The following HDAC10 variants were observed in gnomAD, a reference collection of about 807,000 sequenced individuals.
HDAC10 encodes the protein histone deacetylase 10.
Under a neutral mutation model 82.3 loss-of-function variants are expected in HDAC10, and 90 were observed. The observed-to-expected ratio is 1.09, with a 90% CI of 0.92 to 1.30. The LOEUF (loss-of-function observed/expected upper bound fraction) is 1.30, where lower values mean the gene tolerates loss of function less well. Ranked by LOEUF, HDAC10 falls within the 50% of genes most tolerant of loss-of-function variation. The pLI is 0.00. For missense variants in HDAC10, 934 were observed against 876.3 expected (o/e 1.07, Z -0.83); for synonymous variants, 456 against 391.7 (o/e 1.16, Z -1.94).
chr22:50,245,963 C>T lies in HDAC10; in HGVS notation c.1780G>A (p.Ala594Thr). 1 of 1,606,296 alleles carries T rather than the reference C, an allele frequency of 6.2e-7. No individual in the cohort carries two copies. The highest frequency in any genetic ancestry group is 1.7e-4 in the Middle Eastern group (1 of 6,046). Residue 594 changes from alanine to threonine, a missense_variant, in exon 18 of 20, where the codon GCT (alanine) becomes ACT (threonine). Coordinates refer to ENST00000216271, the MANE Select transcript of HDAC10 (RefSeq NM_032019.6). Reference protein sequence around the residue: ...GLQGPHAALLAAMLRGLAGGR... With the variant: ...GLQGPHAALLTAMLRGLAGGR... ...CCTGCCAGCCCCCGAAGCATTGCAGCCAGGAGTGCAGCGTGGGGGCCCTGC... is the reference window on the plus strand; with the variant it reads ...CCTGCCAGCCCCCGAAGCATTGCAGTCAGGAGTGCAGCGTGGGGGCCCTGC...
In HDAC10 at chr22:50,251,246, G is replaced by A. The variant is rs968030343; in HGVS notation, c.-214C>T. The stretch of plus-strand genomic sequence containing the variant: ...GGCACGGAGCGAGGCTGCAGTCGAA[G>A]GGGGAGGCTCCCCGCGCCTGGCTTC... On this transcript the variant is annotated 5_prime_UTR_variant, in exon 1 of 20. Coordinates refer to ENST00000216271, the MANE Select transcript of HDAC10 (RefSeq NM_032019.6). 1.2e-5 allele frequency: 6 copies of A among 492,548 alleles called. No individual in the cohort carries two copies. Among genetic ancestry groups the A allele is most frequent in the African/African-American group, 1.0e-4 (5 of 49,124 alleles). The allele number at this position is 492,548 out of a possible 1,614,324, so 30.5% of individuals were successfully genotyped here. A position where few individuals can be genotyped will look rare whatever the true frequency, so the allele number is the denominator to read the frequency against.
Position 50,249,151 on chromosome 22 carries a change from A to C in HDAC10, c.708T>G (p.Ala236=). 6.3e-7 allele frequency: 1 copy of C among 1,577,694 alleles called. No homozygotes were observed. ...GGTGCAGGAAGGCAGCCACGTAGTC[A>C]GCGTTTCCCATCCCAACCTGGCAGG... ...LPWNQVGMGN[A]DYVAAFLHLL... is the part of the protein sequence containing the mutation. The change falls in exon 8 of 20, where the codon GCT becomes GCG. Residue 236 remains alanine, a synonymous_variant. Coordinates refer to ENST00000216271, the MANE Select transcript of HDAC10 (RefSeq NM_032019.6). The surrounding 1 kb of genome is among the most constrained non-coding windows in gnomAD (Gnocchi z 4.4).
rs777345526 is a variant in HDAC10, at chr22:50,246,770, T to A, written c.1515-35A>T. ...GAGCTGGCCTCAGGACAGGTGTTCATGTTGTCCAGAGTCCATTCCCAGAAC... is the reference window on the plus strand; with the variant it reads ...GAGCTGGCCTCAGGACAGGTGTTCAAGTTGTCCAGAGTCCATTCCCAGAAC... On this transcript the variant is annotated intron_variant, in intron 15 of 19. Transcript: ENST00000216271. 16 of 1,611,574 alleles carry A rather than the reference T, an allele frequency of 9.9e-6. No individual in the cohort carries two copies. In the East Asian group the frequency reaches 1.8e-4, roughly 18 times the overall value.
chr22:50,250,817 A>G lies in HDAC10; in HGVS notation c.148T>C (p.Leu50=), dbSNP rs927797971. The change falls in exon 2 of 20, where the codon TTG becomes CTG. Residue 50 remains leucine (L), a synonymous_variant. Coordinates refer to ENST00000216271, the MANE Select transcript of HDAC10 (RefSeq NM_032019.6). ...TCTTCCGAGGCCTCGCGGGCTGACA[A>G]CCGCAGACACCTCTGTTCCAGGCCG... ...QRGLEQRCLR[L]SAREASEEEL... is the part of the protein sequence containing the mutation. The G allele has an allele frequency of 3.1e-6, 5 of 1,604,004 alleles. No homozygotes were observed. In the African/African-American group the frequency reaches 6.7e-5, roughly 21 times the overall value.
At chr22:50,250,183 G>A (rs1347785925) in intron 3 of HDAC10, 23 bp from the exon 4 acceptor site, 3 of 1,597,114 alleles carry the variant, frequency 1.9e-6, no homozygotes, top group East Asian at 2.2e-5. Flanking sequence ...GGGCGCAGAT[G>A]AGCCCCCTGC....
At chr22:50,247,841 A>C (rs772679653) in intron 13 of HDAC10, 49 bp downstream of exon 13, 3 of 1,612,552 alleles carry the variant, frequency 1.9e-6, no homozygotes. Context: ...ACACACAGGC[A>C]CAGGTGTAGA....
In HDAC10 at chr22:50,248,196, C is replaced by T. The variant is rs759066543; in HGVS notation, c.1081+29G>A. 5 of 1,605,502 alleles carry T rather than the reference C, an allele frequency of 3.1e-6. No individual in the cohort carries two copies. Among genetic ancestry groups the T allele is most frequent in the Middle Eastern group, 3.3e-4 (2 of 6,050 alleles). ...ACTGCACAGGAGCCCGAGGTGGGAT[C>T]CTGCAGCCTAGCACCCGGCCACACT... On this transcript the variant is annotated intron_variant, in intron 12 of 19. Transcript: ENST00000216271. The surrounding 1 kb of genome is among the most constrained non-coding windows in gnomAD (Gnocchi z 5.4).
Position 50,249,562 on chromosome 22 carries a change from G to C in HDAC10, c.563+73C>G. 6.2e-7 allele frequency: 1 copy of C among 1,607,460 alleles called. No homozygotes were observed. The highest frequency in any genetic ancestry group is 1.7e-5 in the Admixed American group (1 of 59,886). ...AGCACATGTCTGTATCTCACCCCTGGATTTTCCCAGGCCAGGCTGTGCACC... is the reference window on the plus strand; with the variant it reads ...AGCACATGTCTGTATCTCACCCCTGCATTTTCCCAGGCCAGGCTGTGCACC... On this transcript the variant is annotated intron_variant, in intron 6 of 19. Coordinates refer to ENST00000216271, the MANE Select transcript of HDAC10 (RefSeq NM_032019.6). This position sits in a 1 kb window ranked among gnomAD's most constrained non-coding sequence, Gnocchi z 4.4.
chr22:50,250,611 T>G, intron 2 of HDAC10, 88 bp from the exon 3 acceptor site: 2 of 1,318,430 alleles, frequency 1.5e-6, no homozygotes, highest in South Asian at 2.5e-5. Context: ...ATGGTGGGAG[T>G]GGCCACCCTG....
At chr22:50,250,934 G>C in intron 1 of HDAC10, 29 bp from the exon 2 acceptor site, 1 of 1,609,232 alleles carries the variant, frequency 6.2e-7, no homozygotes. Flanking sequence ...TCAGTTCAGA[G>C]GTCCCTCCCC....
chr22:50,245,957 T>C lies in HDAC10; in HGVS notation c.1786A>G (p.Met596Val), dbSNP rs533436968. The change falls in exon 18 of 20, where the codon ATG (methionine) becomes GTG (valine). Residue 596 changes from methionine (M) to valine (V), a missense_variant. Transcript: ENST00000216271. Reference protein sequence around the residue: ...QGPHAALLAAMLRGLAGGRVL... With the variant: ...QGPHAALLAAVLRGLAGGRVL... ...CGGCCCCCTGCCAGCCCCCGAAGCA[T>C]TGCAGCCAGGAGTGCAGCGTGGGGG... 7 of 1,605,024 alleles carry C rather than the reference T, an allele frequency of 4.4e-6. 1 individual carries two copies. Among genetic ancestry groups the C allele is most frequent in the African/African-American group, 1.3e-5 (1 of 74,890 alleles).
At chr22:50,250,595 G>A in intron 2 of HDAC10, 72 bp from the exon 3 acceptor site, 1 of 1,390,542 alleles carries the variant, frequency 7.2e-7, no homozygotes, top group East Asian at 2.3e-5. Context: ...CGGGGACCTG[G>A]GATTCATGGT....
chr22:50,248,470 G>C lies in HDAC10; in HGVS notation c.909C>G (p.Gly303=). Residue 303 remains glycine (G), a splice_region_variant and synonymous_variant, in exon 11 of 20, where the codon GGC becomes GGG. Coordinates refer to ENST00000216271, the MANE Select transcript of HDAC10 (RefSeq NM_032019.6). This position sits in a 1 kb window ranked among gnomAD's most constrained non-coding sequence, Gnocchi z 5.4. ...CCGCCAGTGACTCCAGGTGGTAGCC[G>C]CCCTGGGAGGAGGGTGGAGACATGA... The part of the protein sequence containing the change: ...AGGRVCAVLE[G]GYHLESLAES... 11 of 1,605,022 alleles carry C rather than the reference G, an allele frequency of 6.9e-6. No homozygotes were observed. The highest frequency in any genetic ancestry group is 8.5e-6 in the Non-Finnish European group (10 of 1,179,100).
chr22:50,248,507 A>T lies in HDAC10; in HGVS notation c.907-35T>A. ...GGGTGGAGACATGATTGGGGCAGAGATATCACTGGGATGGGATGTCACCGG... is the reference window on the plus strand; with the variant it reads ...GGGTGGAGACATGATTGGGGCAGAGTTATCACTGGGATGGGATGTCACCGG... On this transcript the variant is annotated intron_variant, in intron 10 of 19. Transcript: ENST00000216271. This position sits in a 1 kb window ranked among gnomAD's most constrained non-coding sequence, Gnocchi z 5.4. 2 of 1,581,524 alleles carry T rather than the reference A, an allele frequency of 1.3e-6. No individual in the cohort carries two copies. Among genetic ancestry groups the T allele is most frequent in the Non-Finnish European group, 1.7e-6 (2 of 1,166,284 alleles).
chr22:50,249,708 G>C lies in HDAC10; in HGVS notation c.495-5C>G. On this transcript the variant is annotated splice_region_variant and splice_polypyrimidine_tract_variant and intron_variant, in intron 5 of 19. Transcript: ENST00000216271. This position sits in a 1 kb window ranked among gnomAD's most constrained non-coding sequence, Gnocchi z 4.4. ...TCCCAGTCCACGACGAGGATCCTGG[G>C]TACAGACAGCGCTGGTGGCAAAGGG... is the stretch of plus-strand genomic sequence containing the variant. The C allele has an allele frequency of 6.2e-7, 1 of 1,612,672 alleles. No homozygotes were observed. Among genetic ancestry groups the C allele is most frequent in the Non-Finnish European group, 8.5e-7 (1 of 1,179,948 alleles).
At chr22:50,246,844 C>T (rs1462969747) in intron 15 of HDAC10, 31 bp downstream of exon 15, 3 of 1,599,694 alleles carry the variant, frequency 1.9e-6, no homozygotes, top group Non-Finnish European at 2.6e-6. Flanking sequence ...GTCCTGCCGT[C>T]AGAGGCTCAG....
At position 50,248,682 on chromosome 22, in the gene HDAC10, G is replaced by A. The variant is rs755856003; in HGVS notation, c.886C>T (p.Arg296Trp). Residue 296 changes from arginine to tryptophan, a missense_variant, in exon 10 of 20, where the codon CGG becomes TGG. By Grantham distance (101) the Arg-to-Trp change is moderately radical. Transcript: ENST00000216271. The surrounding 1 kb of genome is among the most constrained non-coding windows in gnomAD (Gnocchi z 5.4). ...TQLLQVLAGG[R>W]VCAVLEGGYH... ...GTCACCTCCAGCACGGCACAGACCCGGCCGCCGGCCAGCACCTGCAGCAGC... is the reference window on the plus strand; with the variant it reads ...GTCACCTCCAGCACGGCACAGACCCAGCCGCCGGCCAGCACCTGCAGCAGC... 4.1e-5 allele frequency: 62 copies of A among 1,525,832 alleles called. No individual in the cohort carries two copies. The highest frequency in any genetic ancestry group is 1.7e-4 in the Middle Eastern group (1 of 5,826). 94.5% of individuals were successfully genotyped at this position (1,525,832 alleles called of 1,614,324 possible).
At position 50,249,892 on chromosome 22, in the gene HDAC10, A is replaced by G; in HGVS notation, c.462T>C (p.Ala154=). The G allele has an allele frequency of 1.2e-6, 2 of 1,612,804 alleles. No individual in the cohort carries two copies. The highest frequency in any genetic ancestry group is 1.7e-6 in the Non-Finnish European group (2 of 1,179,868). The change falls in exon 5 of 20, where the codon GCT becomes GCC. Residue 154 remains alanine (A), a synonymous_variant. Transcript: ENST00000216271. The surrounding 1 kb of genome is among the most constrained non-coding windows in gnomAD (Gnocchi z 4.4). Reference sequence around the variant, plus strand: ...GCCCGTGTTTCTGCTTGGCATGTGCAGCTGCTATGGCCACGTTGTTGAACA... The same window carrying G: ...GCCCGTGTTTCTGCTTGGCATGTGCGGCTGCTATGGCCACGTTGTTGAACA... ...FCVFNNVAIA[A]AHAKQKHGLH... is the part of the protein sequence containing the mutation.
chr22:50,250,379 G>T (rs1569137269), intron 3 of HDAC10, 48 bp downstream of exon 3: 1 of 1,555,622 alleles, frequency 6.4e-7, no homozygotes, highest in Non-Finnish European at 8.9e-7. Context: ...ACGCTCAAAG[G>T]CACGTGCATG....
Sources: gnomAD v4.1 joint callset for allele counts on GRCh38, gnomAD v4.1.1 for gene constraint, Gnocchi (gnomAD v3.1) non-coding constraint, MANE v1.5 for transcripts, NCBI Gene and HGNC (gene_info 2026-07-23, HGNC 2026-07-21) for gene names.